Variants in FARP1 observed in about 807,000 individuals in gnomAD.
FARP1 encodes the protein FERM, ARHGEF and pleckstrin domain-containing protein 1.
FARP1 carries 52 observed loss-of-function variants against 128.8 expected under a neutral mutation model. The ratio of observed to expected loss-of-function variants is 0.40; its 90% CI spans 0.32 to 0.51. FARP1 has a LOEUF of 0.51. Among genes scored for constraint, FARP1 ranks in the 20% least tolerant of loss-of-function variants. The probability of loss-of-function intolerance (pLI) is 0.45; values close to 1 mark genes in which losing one functional copy is unlikely to be tolerated. For missense variants in FARP1, 1,333 were observed against 1,367.9 expected (o/e 0.97, Z 0.40); for synonymous variants, 580 against 551.8 (o/e 1.05, Z -0.72).
At chr13:98,379,607 C>G (rs1236912911) in intron 6 of FARP1, among the ~76,000 whole-genome samples, 1 of 152,060 alleles carries the variant, frequency 6.6e-6, no homozygotes, top group Non-Finnish European at 1.5e-5. Flanking sequence ...GGCTGCAGGA[C>G]CTCCCAAGGA....
chr13:98,444,602 C>G (rs1275382811), intron 24 of FARP1, among the ~76,000 whole-genome samples: 1 of 152,166 alleles, frequency 6.6e-6, no homozygotes, highest in South Asian at 2.1e-4. Context: ...GCGGGAGGCT[C>G]GGCCCGGCCG....
chr13:98,189,296 C>G (rs557143577), intron 1 of FARP1, among the ~76,000 whole-genome samples: 1 of 149,186 alleles, frequency 6.7e-6, no homozygotes, highest in East Asian at 2.0e-4. Context: ...TAAAGCAGTA[C>G]AGGAAAAGCA....
At chr13:98,378,325 T>C (rs1889678993) in intron 6 of FARP1, among the ~76,000 whole-genome samples, 1 of 152,164 alleles carries the variant, frequency 6.6e-6, no homozygotes, top group African/African-American at 2.4e-5. Context: ...TCTCTAGAGA[T>C]TTTTGCTCTT....
chr13:98,436,741 C>A lies in FARP1; in HGVS notation c.2274+1035C>A, dbSNP rs183790470. On this transcript the variant is annotated intron_variant, in intron 19 of 26. Transcript: ENST00000319562. ...GAAATTAGAGCTGGGATGGCCTCAG[C>A]TCTGCTGGTGACAAGATCCTGCCAG... is the stretch of plus-strand genomic sequence containing the variant. Among the ~76,000 whole-genome samples, 230 of 152,344 alleles carry A rather than the reference C, an allele frequency of 1.5e-3. 2 individuals carry two copies. Among genetic ancestry groups the A allele is most frequent in the African/African-American group, 5.3e-3 (221 of 41,584 alleles).
chr13:98,231,100 T>C (rs1412152529), intron 2 of FARP1, among the ~76,000 whole-genome samples: 4 of 152,092 alleles, frequency 2.6e-5, no homozygotes, highest in Admixed American at 1.3e-4. Context: ...CTGTCCTTGA[T>C]ACATGGGGAT....
chr13:98,348,976 C>A (rs1318040810), intron 3 of FARP1, among the ~76,000 whole-genome samples: 1 of 152,230 alleles, frequency 6.6e-6, no homozygotes, highest in African/African-American at 2.4e-5. Context: ...AGCTAAAGCT[C>A]ATGTTCTGTA....
intron 2 of FARP1, among the ~76,000 whole-genome samples, chr13:98,245,984 C>T (rs1220918194): frequency 6.6e-6 from 1 of 151,776 alleles, no homozygotes; most frequent in African/African-American, 2.4e-5. Flanking sequence ...ACCGTGTTGC[C>T]CAGGCTGGTC....
chr13:98,176,368 C>G lies in FARP1; in HGVS notation c.-24+32876C>G, dbSNP rs1878025428. On this transcript the variant is annotated intron_variant, in intron 1 of 26. Coordinates refer to ENST00000319562, the MANE Select transcript of FARP1 (RefSeq NM_005766.4). The surrounding 1 kb of genome is among the most constrained non-coding windows in gnomAD (Gnocchi z 6.2). Reference sequence around the variant, plus strand: ...GCCGGTTGGCTGGTCACAGATGTAGCAGCGCGGGGTGGCCCGGAAGTGCTC... The same window carrying G: ...GCCGGTTGGCTGGTCACAGATGTAGGAGCGCGGGGTGGCCCGGAAGTGCTC... The G allele has an allele frequency of 6.2e-7, 1 of 1,614,122 alleles. No individual in the cohort carries two copies. The highest frequency in any genetic ancestry group is 1.1e-5 in the South Asian group (1 of 91,090).
chr13:98,172,018 GCCT>G (rs1377393627), intron 1 of FARP1, among the ~76,000 whole-genome samples: 1 of 152,168 alleles, frequency 6.6e-6, no homozygotes, highest in Non-Finnish European at 1.5e-5. Context: ...GTGTCTGCCT[GCCT>G]CCTGTCAGTG....
chr13:98,171,808 C>T (rs1877670866), intron 1 of FARP1, among the ~76,000 whole-genome samples: 1 of 152,260 alleles, frequency 6.6e-6, no homozygotes, highest in African/African-American at 2.4e-5. Context: ...AATGAGGTAG[C>T]CTCTGAACTC....
At chr13:98,213,510 G>T (rs528464060) in intron 2 of FARP1, 97 bp downstream of exon 2, 524 of 1,294,400 alleles carry the variant, frequency 4.0e-4, no homozygotes, top group Non-Finnish European at 5.5e-4. Flanking sequence ...GACATGAGGC[G>T]GCTGGAGGTC....
chr13:98,247,503 G>T (rs1439861303), intron 2 of FARP1, among the ~76,000 whole-genome samples: 1 of 152,174 alleles, frequency 6.6e-6, no homozygotes, highest in African/African-American at 2.4e-5. Context: ...CCCTGCTGGG[G>T]GAGTGGAGCT....
intron 1 of FARP1, among the ~76,000 whole-genome samples, chr13:98,174,538 A>C (rs983484147): frequency 2.0e-5 from 3 of 152,214 alleles, no homozygotes; most frequent in African/African-American, 7.2e-5. Context: ...CAGAACTGAC[A>C]AAAACGGACG....
chr13:98,282,899 C>G (rs1331194071), intron 2 of FARP1, among the ~76,000 whole-genome samples: 1 of 147,610 alleles, frequency 6.8e-6, no homozygotes, highest in Non-Finnish European at 1.5e-5. Flanking sequence ...GACTCCGTCT[C>G]AAAAAAAAAT....
At position 98,176,087 on chromosome 13, in the gene FARP1, G is replaced by T; in HGVS notation, c.-24+32595G>T. The stretch of plus-strand genomic sequence containing the variant: ...TGGTTACATACTCAGGCATGGGATT[G>T]CAGGAAGACTGTCATCTCTCTCATC... On this transcript the variant is annotated intron_variant, in intron 1 of 26. Coordinates refer to ENST00000319562, the MANE Select transcript of FARP1 (RefSeq NM_005766.4). This position sits in a 1 kb window ranked among gnomAD's most constrained non-coding sequence, Gnocchi z 6.2. The T allele has an allele frequency of 1.6e-6, 2 of 1,273,218 alleles. No homozygotes were observed. The highest frequency in any genetic ancestry group is 2.3e-6 in the Non-Finnish European group (2 of 880,996). 78.9% of individuals were successfully genotyped at this position (1,273,218 alleles called of 1,614,324 possible). A position where few individuals can be genotyped will look rare whatever the true frequency, so the allele number is the denominator to read the frequency against.
intron 2 of FARP1, among the ~76,000 whole-genome samples, chr13:98,300,609 G>A (rs1594374671): frequency 6.6e-6 from 1 of 152,168 alleles, no homozygotes; most frequent in Non-Finnish European, 1.5e-5. Context: ...GGCTTCATCA[G>A]CTCTTCCATC....
chr13:98,389,398 C>G (rs1033409222), intron 9 of FARP1: 1 of 152,930 alleles, frequency 6.5e-6, no homozygotes, highest in East Asian at 1.9e-4. Context: ...ATTTCTATAT[C>G]CCCTTTCCAG....
intron 2 of FARP1, among the ~76,000 whole-genome samples, chr13:98,337,538 C>CGTGT (rs60625244): frequency 0.1 from 13,230 of 131,868 alleles, 755 homozygotes; most frequent in Non-Finnish European, 0.12. Flanking sequence ...TCTGTGTAGC[C>CGTGT]GTGTGTGTGT....
chr13:98,424,603 T>G lies in FARP1; in HGVS notation c.1858T>G (p.Tyr620Asp). The part of the protein sequence containing the change: ...EGRSNAQIRD[Y>D]QRIGDVMLKN... ...CCGCTCAAATGCCCAAATCAGAGAT[T>G]ACCAAAGAATCGGCGATGTCATGCT... The change falls in exon 17 of 27, where the codon TAC becomes GAC. Residue 620 changes from tyrosine (Y) to aspartate (D), a missense_variant. Tyr to Asp is a radical substitution (Grantham distance 160). Transcript: ENST00000319562. The G allele has an allele frequency of 1.9e-6, 3 of 1,614,004 alleles. No individual in the cohort carries two copies. Among genetic ancestry groups the G allele is most frequent in the Non-Finnish European group, 2.5e-6 (3 of 1,179,844 alleles).
Sources: gnomAD v4.1 joint callset for allele counts (sites outside exome capture counted in the v4.1 genomes callset) on GRCh38, gnomAD v4.1.1 for gene constraint, Gnocchi (gnomAD v3.1) non-coding constraint, MANE v1.5 for transcripts, NCBI Gene and HGNC (gene_info 2026-07-23, HGNC 2026-07-21) for gene names.